PDE3B: variants seen among roughly 807,000 people sequenced by gnomAD.
PDE3B encodes cGMP-inhibited 3',5'-cyclic phosphodiesterase 3B.
PDE3B carries 66 observed loss-of-function variants against 116.8 expected under a neutral mutation model. The ratio of observed to expected loss-of-function variants is 0.56; its 90% CI spans 0.46 to 0.69. PDE3B has a LOEUF of 0.69. Among genes scored for constraint, PDE3B ranks in the 30% least tolerant of loss-of-function variants. PDE3B has a pLI of 0.00. For synonymous variants in PDE3B, 595 were observed against 533.6 expected (o/e 1.12, Z -1.59); for missense variants, 1,384 against 1,368.1 (o/e 1.01, Z -0.18).
At chr11:14,716,018 C>G (rs1467849058) in intron 1 of PDE3B, among the ~76,000 whole-genome samples, 1 of 152,198 alleles carries the variant, frequency 6.6e-6, no homozygotes, top group Non-Finnish European at 1.5e-5. Flanking sequence ...CCGGGTTCAT[C>G]TCACTAGGGA....
intron 2 of PDE3B, among the ~76,000 whole-genome samples, chr11:14,778,827 G>A (rs889988751): frequency 4.6e-5 from 7 of 152,234 alleles, no homozygotes; most frequent in African/African-American, 7.2e-5. Flanking sequence ...TGACTTTGAC[G>A]AGTTGAGAGA....
chr11:14,655,256 T>G (rs1853682563), intron 1 of PDE3B, among the ~76,000 whole-genome samples: 1 of 152,112 alleles, frequency 6.6e-6, no homozygotes, highest in South Asian at 2.1e-4. Context: ...TATGTAATTA[T>G]AAAAGACTGA....
intron 12 of PDE3B, among the ~76,000 whole-genome samples, chr11:14,846,853 A>G (rs1268766560): frequency 6.6e-6 from 1 of 152,208 alleles, no homozygotes; most frequent in Non-Finnish European, 1.5e-5. Flanking sequence ...GTCCTGAGTA[A>G]CCTACAAAGA....
chr11:14,843,184 C>T (rs11023352), intron 11 of PDE3B, among the ~76,000 whole-genome samples: 1 of 152,172 alleles, frequency 6.6e-6, no homozygotes, highest in Non-Finnish European at 1.5e-5. Context: ...GGATAGTGAA[C>T]ATATTGTTTC....
chr11:14,806,227 C>A (rs190956721), intron 5 of PDE3B, among the ~76,000 whole-genome samples: 1 of 149,620 alleles, frequency 6.7e-6, no homozygotes, highest in East Asian at 2.0e-4. Context: ...CCAAGGCAGG[C>A]GGATCATGAG....
the PDE3B span, chr11:14,892,148 G>C: frequency 1.2e-6 from 2 of 1,611,202 alleles, no homozygotes; most frequent in East Asian, 4.5e-5. Flanking sequence ...AAGAGCAGCA[G>C]GAAGAGCGCG....
At chr11:14,875,130 T>A (rs1848178102), downstream of PDE3B, among the ~76,000 whole-genome samples, 1 of 152,134 alleles carries the variant, frequency 6.6e-6, no homozygotes, top group Non-Finnish European at 1.5e-5. Flanking sequence ...ATTGTTCAGC[T>A]GTTTATCCCA....
intron 1 of PDE3B, among the ~76,000 whole-genome samples, chr11:14,740,595 A>G (rs909649555): frequency 2.0e-5 from 3 of 152,018 alleles, no homozygotes; most frequent in East Asian, 3.9e-4. Context: ...TTGTGTCTCT[A>G]TCTCCTTCAG....
intron 1 of PDE3B, among the ~76,000 whole-genome samples, chr11:14,697,851 A>G (rs1168353896): frequency 2.0e-5 from 3 of 150,912 alleles, no homozygotes; most frequent in Non-Finnish European, 3.0e-5. Context: ...TTCATGTTTG[A>G]TTGTTGTTGT....
chr11:14,875,957 G>C (rs1426099684), downstream of PDE3B, among the ~76,000 whole-genome samples: 1 of 152,172 alleles, frequency 6.6e-6, no homozygotes, highest in African/African-American at 2.4e-5. Flanking sequence ...AAAATAGCAT[G>C]ATCTTCATTC....
At chr11:14,880,108 A>C in the PDE3B span, 1 of 1,611,128 alleles carries the variant, frequency 6.2e-7, no homozygotes, top group Non-Finnish European at 8.5e-7. Context: ...GTAAGGATAG[A>C]CCCTGAGATC....
At chr11:14,731,576 C>A (rs770939661) in intron 1 of PDE3B, among the ~76,000 whole-genome samples, 14 of 151,898 alleles carry the variant, frequency 9.2e-5, no homozygotes, top group Non-Finnish European at 1.6e-4. Context: ...GATTTTTTAA[C>A]CTTACAACAC....
At chr11:14,887,896 A>C in the PDE3B span, among the ~76,000 whole-genome samples, 1 of 152,192 alleles carries the variant, frequency 6.6e-6, no homozygotes. Context: ...AGTCACCTGC[A>C]TTTCTCCCTT....
intron 1 of PDE3B, among the ~76,000 whole-genome samples, chr11:14,714,195 G>A (rs1855798925): frequency 6.6e-6 from 1 of 151,900 alleles, no homozygotes; most frequent in African/African-American, 2.4e-5. Flanking sequence ...CCAGGGGAGG[G>A]GAGGGTTATA....
intron 1 of PDE3B, among the ~76,000 whole-genome samples, chr11:14,714,103 T>A (rs1855794928): frequency 6.6e-6 from 1 of 152,162 alleles, no homozygotes; most frequent in East Asian, 1.9e-4. Flanking sequence ...GATTGATGAT[T>A]GGTTAAAGAG....
chr11:14,746,142 C>A (rs1249743158), intron 1 of PDE3B, among the ~76,000 whole-genome samples: 2 of 152,322 alleles, frequency 1.3e-5, no homozygotes, highest in Non-Finnish European at 2.9e-5. Context: ...GCCTGTAATC[C>A]CCTCACTTTG....
At chr11:14,815,926 A>G (rs1221704813) in intron 5 of PDE3B, among the ~76,000 whole-genome samples, 1 of 149,228 alleles carries the variant, frequency 6.7e-6, no homozygotes. Flanking sequence ...AAGATAAAGA[A>G]CATTATATTT....
At chr11:14,665,235 T>C (rs1324522771) in intron 1 of PDE3B, among the ~76,000 whole-genome samples, 3 of 152,222 alleles carry the variant, frequency 2.0e-5, no homozygotes, top group African/African-American at 7.2e-5. Context: ...TGCTAAAAGC[T>C]CTCAATAAAT....
At chr11:14,735,040 A>G (rs571014747) in intron 1 of PDE3B, among the ~76,000 whole-genome samples, 4 of 152,230 alleles carry the variant, frequency 2.6e-5, no homozygotes, top group Admixed American at 2.0e-4. Context: ...AGCCCACCCC[A>G]TCATCTTTTC....
Sources: allele counts gnomAD v4.1 joint callset (sites outside exome capture counted in the v4.1 genomes callset), GRCh38; gene constraint gnomAD v4.1.1; transcripts MANE v1.5; gene names NCBI Gene and HGNC (gene_info 2026-07-23, HGNC 2026-07-21).